C1D: variants seen among roughly 807,000 people sequenced by gnomAD.
The protein encoded by C1D is nuclear nucleic acid-binding protein C1D.
In C1D, 10 loss-of-function variants were observed where a neutral mutation model predicts 17.5. That is an observed-to-expected ratio of 0.57 (90% CI 0.35 to 0.97). C1D has a LOEUF of 0.97. Among genes scored for constraint, C1D ranks in the 50% least tolerant of loss-of-function variants. The pLI, the probability that C1D is intolerant of heterozygous loss-of-function variation, is 0.01. For missense variants in C1D, 136 were observed against 160.1 expected (o/e 0.85, Z 0.81); for synonymous variants, 49 against 54.0 (o/e 0.91, Z 0.40).
At chr2:68,060,596 T>C (rs1469129545) in intron 1 of C1D, among the ~76,000 whole-genome samples, 1 of 151,664 alleles carries the variant, frequency 6.6e-6, no homozygotes, top group Non-Finnish European at 1.5e-5. Flanking sequence ...TGAGCCGAGA[T>C]TGTGCCACTG....
At chr2:68,056,358 T>TC (rs1671437116) in intron 1 of C1D, among the ~76,000 whole-genome samples, 1 of 151,846 alleles carries the variant, frequency 6.6e-6, no homozygotes, top group Non-Finnish European at 1.5e-5. Flanking sequence ...CACCTCAGCC[T>TC]CCCAAAGTGC....
intron 2 of C1D, among the ~76,000 whole-genome samples, chr2:68,046,741 A>G (rs943592675): frequency 2.6e-5 from 4 of 152,320 alleles, no homozygotes; most frequent in African/African-American, 9.6e-5. Flanking sequence ...TAATTTATCA[A>G]TATAAACATT....
At chr2:68,043,120 T>C (rs1004106203) in intron 4 of C1D, 67 bp from the exon 5 acceptor site, 2 of 1,209,572 alleles carry the variant, frequency 1.7e-6, no homozygotes, top group Middle Eastern at 2.0e-4. Context: ...TTTATTATAC[T>C]GTACACCTTG....
intron 2 of C1D, 32 bp from the exon 3 acceptor site, chr2:68,046,442 G>A: frequency 6.9e-7 from 1 of 1,452,102 alleles, no homozygotes; most frequent in Non-Finnish European, 9.6e-7. Flanking sequence ...GGGAAAGAGA[G>A]AAAGTGAGAC....
intron 1 of C1D, 37 bp from the exon 2 acceptor site, chr2:68,047,356 A>G (rs1458922563): frequency 1.9e-6 from 3 of 1,546,092 alleles, no homozygotes; most frequent in Non-Finnish European, 1.8e-6. Flanking sequence ...CATATTAGAG[A>G]CAGAGCTTGT....
chr2:68,053,089 G>T (rs941970039), intron 1 of C1D: 18 of 1,550,662 alleles, frequency 1.2e-5, no homozygotes, highest in Non-Finnish European at 1.4e-5. Flanking sequence ...CTCCTCCGGG[G>T]TTCTATAGGT....
intron 4 of C1D, among the ~76,000 whole-genome samples, chr2:68,044,550 T>C (rs1448389242): frequency 6.6e-6 from 1 of 151,056 alleles, no homozygotes; most frequent in Non-Finnish European, 1.5e-5. Context: ...CTACTGAAAA[T>C]ACAAAAAATT....
Position 68,042,965 on chromosome 2 carries a change from A to C in C1D, c.350T>G (p.Phe117Cys). The C allele has an allele frequency of 6.2e-7, 1 of 1,611,034 alleles. No individual in the cohort carries two copies. Among genetic ancestry groups the C allele is most frequent in the Non-Finnish European group, 8.5e-7 (1 of 1,178,264 alleles). The change falls in exon 5 of 5, where the codon TTT becomes TGT. Residue 117 changes from phenylalanine (F) to cysteine (C), a missense_variant. Phe to Cys is a radical substitution (Grantham distance 205). Coordinates refer to ENST00000410067, the MANE Select transcript of C1D (RefSeq NM_173177.3). ...GKLDRGAASR[F>C]VKNALWEPKS... is the part of the protein sequence containing the mutation. ...TGGTTCCCAGAGGGCATTTTTTACA[A>C]ATCTTGAAGCTGCACCTCTGTCCAG...
intron 1 of C1D, among the ~76,000 whole-genome samples, chr2:68,056,986 G>C (rs1671456164): frequency 6.6e-6 from 1 of 152,092 alleles, no homozygotes; most frequent in Admixed American, 6.5e-5. Flanking sequence ...CTTTAAAACA[G>C]AACAACCCAC....
At chr2:68,056,055 A>G (rs1671430499) in intron 1 of C1D, among the ~76,000 whole-genome samples, 1 of 152,188 alleles carries the variant, frequency 6.6e-6, no homozygotes, top group Non-Finnish European at 1.5e-5. Flanking sequence ...ATAGTCTCAA[A>G]TGAAGTTTGT....
In C1D at chr2:68,042,433, A is replaced by G. The variant is rs1182840296; in HGVS notation, c.*456T>C. ...ATCATGAAAACATGATAAAGTATCT[A>G]TACAGAAAAAAATGAACATTTAAGT... On this transcript the variant is annotated 3_prime_UTR_variant, in exon 5 of 5. Coordinates refer to ENST00000410067, the MANE Select transcript of C1D (RefSeq NM_173177.3). 6 of 153,194 alleles carry G rather than the reference A, an allele frequency of 3.9e-5. No homozygotes were observed. The highest frequency in any genetic ancestry group is 1.4e-4 in the African/African-American group (6 of 41,470). 9.5% of individuals were successfully genotyped at this position (153,194 alleles called of 1,614,324 possible).
chr2:68,055,433 A>G (rs1008050358), intron 1 of C1D, among the ~76,000 whole-genome samples: 7 of 152,156 alleles, frequency 4.6e-5, no homozygotes, highest in Non-Finnish European at 1.0e-4. Context: ...AGTACTCTAC[A>G]GGATAACTGA....
intron 1 of C1D, among the ~76,000 whole-genome samples, chr2:68,053,604 G>A (rs1018490832): frequency 2.6e-5 from 4 of 152,106 alleles, no homozygotes; most frequent in Admixed American, 6.5e-5. Context: ...TCTGGTCATG[G>A]TACTCCTCTG....
intron 1 of C1D, among the ~76,000 whole-genome samples, chr2:68,051,493 A>T (rs911333402): frequency 1.3e-5 from 2 of 152,194 alleles, no homozygotes; most frequent in Non-Finnish European, 1.5e-5. Context: ...CCCCAACTCT[A>T]TTTTTAAAAT....
chr2:68,052,712 G>C (rs1038771194), intron 1 of C1D, among the ~76,000 whole-genome samples: 3 of 151,998 alleles, frequency 2.0e-5, no homozygotes, highest in Non-Finnish European at 4.4e-5. Context: ...TAAAGACAAG[G>C]GGGACTAAAA....
At chr2:68,049,172 G>A (rs1671213447) in intron 1 of C1D, among the ~76,000 whole-genome samples, 1 of 151,304 alleles carries the variant, frequency 6.6e-6, no homozygotes. Context: ...ACTTCAGCCT[G>A]GGCAACAGAG....
At chr2:68,044,467 G>C (rs578237371) in intron 4 of C1D, among the ~76,000 whole-genome samples, 2 of 152,200 alleles carry the variant, frequency 1.3e-5, no homozygotes, top group East Asian at 1.9e-4. Context: ...CCAGCACTTC[G>C]GGAGGCCGAG....
intron 1 of C1D, among the ~76,000 whole-genome samples, chr2:68,061,029 C>T (rs1054556781): frequency 6.6e-6 from 1 of 152,156 alleles, no homozygotes. Flanking sequence ...AACAAACATA[C>T]GATAATGTAC....
intron 1 of C1D, chr2:68,053,017 TA>T: frequency 6.5e-7 from 1 of 1,545,450 alleles, no homozygotes; most frequent in Non-Finnish European, 8.7e-7. Context: ...AGAACATGCC[TA>T]AAGTTGTACA....
Sources: gnomAD v4.1 joint callset for allele counts (sites outside exome capture counted in the v4.1 genomes callset) on GRCh38, gnomAD v4.1.1 for gene constraint, MANE v1.5 for transcripts, NCBI Gene and HGNC (gene_info 2026-07-23, HGNC 2026-07-21) for gene names.